CRPPA: variants seen among roughly 807,000 people sequenced by gnomAD.
The protein encoded by CRPPA is D-ribitol-5-phosphate cytidylyltransferase.
A neutral mutation model predicts 52.0 loss-of-function variants in CRPPA; 43 were observed. The observed-to-expected ratio is 0.83, with a 90% CI of 0.65 to 1.07. The LOEUF (loss-of-function observed/expected upper bound fraction) is 1.07, where lower values mean the gene tolerates loss of function less well. Among genes scored for constraint, CRPPA ranks in the 50% least tolerant of loss-of-function variants. CRPPA has a pLI of 0.00. For synonymous variants in CRPPA, 250 were observed against 203.5 expected (o/e 1.23, Z -1.94); for missense variants, 629 against 551.7 (o/e 1.14, Z -1.40).
intron 4 of CRPPA, among the ~76,000 whole-genome samples, chr7:16,306,274 C>A (rs1343254069): frequency 1.3e-5 from 2 of 152,138 alleles, no homozygotes; most frequent in Non-Finnish European, 2.9e-5. Context: ...ACAGTTGAAC[C>A]CACAACAATG....
chr7:16,254,131 C>T (rs7782000), intron 8 of CRPPA, among the ~76,000 whole-genome samples: 120,045 of 152,010 alleles, frequency 0.79, 48,173 homozygotes, highest in African/African-American at 0.94. Context: ...CACTTTTACA[C>T]TGTTGGTGGG....
chr7:16,259,774 A>C (rs1302947107), intron 6 of CRPPA, among the ~76,000 whole-genome samples: 1 of 152,008 alleles, frequency 6.6e-6, no homozygotes, highest in Non-Finnish European at 1.5e-5. Context: ...CTGGTATTAC[A>C]TTTAGAATGC....
At chr7:16,214,247 A>G (rs1043227674) in intron 9 of CRPPA, among the ~76,000 whole-genome samples, 3 of 152,196 alleles carry the variant, frequency 2.0e-5, no homozygotes, top group Non-Finnish European at 4.4e-5. Context: ...ACTAGGCATC[A>G]TATATATAAC....
chr7:16,239,162 T>C (rs1166512059), intron 8 of CRPPA, among the ~76,000 whole-genome samples: 1 of 96,340 alleles, frequency 1.0e-5, no homozygotes, highest in Non-Finnish European at 2.4e-5. Context: ...AAAAAAGCCA[T>C]TTAGATGCCA....
intron 9 of CRPPA, among the ~76,000 whole-genome samples, chr7:16,137,878 A>G (rs1782791410): frequency 6.6e-6 from 1 of 152,302 alleles, no homozygotes; most frequent in East Asian, 1.9e-4. Context: ...AACCATGATG[A>G]ATTGTACAAT....
At chr7:16,238,795 C>G (rs1286700721) in intron 8 of CRPPA, among the ~76,000 whole-genome samples, 3 of 151,976 alleles carry the variant, frequency 2.0e-5, no homozygotes, top group Non-Finnish European at 2.9e-5. Flanking sequence ...CATATGAAAG[C>G]AAAAAGACTT....
intron 1 of CRPPA, among the ~76,000 whole-genome samples, chr7:16,417,498 T>C (rs904452150): frequency 2.0e-5 from 3 of 152,144 alleles, no homozygotes; most frequent in Non-Finnish European, 4.4e-5. Flanking sequence ...AGCAACATGA[T>C]TGCAGCTGGA....
At chr7:16,419,634 C>G (rs1031135734) in intron 1 of CRPPA, among the ~76,000 whole-genome samples, 1 of 152,074 alleles carries the variant, frequency 6.6e-6, no homozygotes, top group East Asian at 1.9e-4. Flanking sequence ...ATTTTATAGA[C>G]CCTTCACTCC....
chr7:16,218,204 G>C (rs1273091908), intron 8 of CRPPA, among the ~76,000 whole-genome samples: 1 of 147,468 alleles, frequency 6.8e-6, no homozygotes, highest in Non-Finnish European at 1.5e-5. Flanking sequence ...CTTCATAAGT[G>C]AAGGAGAAAT....
In CRPPA at chr7:16,308,470, G is replaced by A. The variant is rs536338400; in HGVS notation, c.789+53C>T. The A allele has an allele frequency of 3.2e-4, 311 of 974,512 alleles. 1 individual carries two copies. The highest frequency in any genetic ancestry group is 6.2e-4 in the Middle Eastern group (3 of 4,834). The allele number at this position is 974,512 out of a possible 1,614,324, so 60.4% of individuals were successfully genotyped here. On this transcript the variant is annotated intron_variant, in intron 4 of 9. Coordinates refer to ENST00000407010, the MANE Select transcript of CRPPA (RefSeq NM_001101426.4). ...CTACTGGTTTTAAATGTACACACAC[G>A]CAAACACATGAAAGCACAGAAAAGA...
chr7:16,112,399 CAGAT>C (rs1310538069), intron 9 of CRPPA, among the ~76,000 whole-genome samples: 2 of 151,812 alleles, frequency 1.3e-5, no homozygotes, highest in Non-Finnish European at 2.9e-5. Context: ...TAAGGATCTG[CAGAT>C]AGATAGCTAT....
At chr7:16,371,583 T>C (rs982305944) in intron 3 of CRPPA, among the ~76,000 whole-genome samples, 3 of 149,938 alleles carry the variant, frequency 2.0e-5, no homozygotes, top group African/African-American at 4.9e-5. Flanking sequence ...TCAAGAACAA[T>C]TTGAAGAAAT....
At chr7:16,378,640 T>G (rs1430401018) in intron 2 of CRPPA, among the ~76,000 whole-genome samples, 1 of 151,820 alleles carries the variant, frequency 6.6e-6, no homozygotes, top group African/African-American at 2.4e-5. Context: ...ATGGGATGGC[T>G]GGGTCAAATG....
At position 16,397,882 on chromosome 7, in the gene CRPPA, CCAA is replaced by C. The variant is rs781521968; in HGVS notation, c.534+8176_534+8178del. Reference sequence around the variant, plus strand: ...TGATCAACACGTGTGTAACACGTGACCAACGTGTGACCAAAGCATGTTTGACGT... The same window carrying C: ...TGATCAACACGTGTGTAACACGTGACCGTGTGACCAAAGCATGTTTGACGT... On this transcript the variant is annotated intron_variant, in intron 2 of 9. Transcript: ENST00000407010. Among the ~76,000 whole-genome samples, 7 of 152,196 alleles carry C rather than the reference CCAA, an allele frequency of 4.6e-5. 1 individual carries two copies. The highest frequency in any genetic ancestry group is 6.4e-3 in the Middle Eastern group (2 of 314).
At chr7:16,131,970 G>C (rs1013197015) in intron 9 of CRPPA, among the ~76,000 whole-genome samples, 1 of 152,160 alleles carries the variant, frequency 6.6e-6, no homozygotes, top group African/African-American at 2.4e-5. Flanking sequence ...GTAGGGCAAA[G>C]CCTAGGCAGT....
chr7:16,244,009 G>A (rs1156634953), intron 8 of CRPPA, among the ~76,000 whole-genome samples: 2 of 152,052 alleles, frequency 1.3e-5, no homozygotes, highest in East Asian at 1.9e-4. Flanking sequence ...GCATATCACA[G>A]CATACTATTA....
At chr7:16,135,372 C>A (rs145391103) in intron 9 of CRPPA, among the ~76,000 whole-genome samples, 1 of 151,992 alleles carries the variant, frequency 6.6e-6, no homozygotes, top group Non-Finnish European at 1.5e-5. Context: ...GTATATTGAG[C>A]CTTTATGCCT....
chr7:16,378,082 T>C (rs1023895039), intron 2 of CRPPA, among the ~76,000 whole-genome samples: 2 of 151,902 alleles, frequency 1.3e-5, no homozygotes, highest in South Asian at 2.1e-4. Context: ...AGTGATGTGG[T>C]GATTTTTCCT....
intron 9 of CRPPA, among the ~76,000 whole-genome samples, chr7:16,126,345 A>T (rs575034573): frequency 5.9e-5 from 9 of 152,304 alleles, no homozygotes; most frequent in African/African-American, 2.2e-4. Flanking sequence ...AAGGATTCCC[A>T]TATAAAGGAA....
Sources: allele counts gnomAD v4.1 joint callset (sites outside exome capture counted in the v4.1 genomes callset), GRCh38; gene constraint gnomAD v4.1.1; transcripts MANE v1.5; gene names NCBI Gene and HGNC (gene_info 2026-07-23, HGNC 2026-07-21).